The following LRRC28 variants were observed in gnomAD, a reference collection of about 807,000 sequenced individuals.
The protein encoded by LRRC28 is leucine rich repeat containing 28.
A neutral mutation model predicts 45.7 loss-of-function variants in LRRC28; 39 were observed. That is an observed-to-expected ratio of 0.85 (90% CI 0.66 to 1.12). LRRC28 has a LOEUF of 1.12. Among genes scored for constraint, LRRC28 ranks in the 50% most tolerant of loss-of-function variants. The probability of loss-of-function intolerance (pLI) is 0.00; values close to 1 mark genes in which losing one functional copy is unlikely to be tolerated. For synonymous variants in LRRC28, 206 were observed against 178.8 expected, an observed-to-expected ratio of 1.15 and a Z score of -1.22; for missense variants, 435 against 438.5, an observed-to-expected ratio of 0.99 and a Z score of 0.07.
At chr15:99,379,071 A>T (rs907434644) in intron 9 of LRRC28, among the ~76,000 whole-genome samples, 12 of 151,796 alleles carry the variant, frequency 7.9e-5, no homozygotes, top group Non-Finnish European at 1.2e-4. Context: ...GTTAGGGAGG[A>T]TTCCCTTTTT....
chr15:99,274,251 T>C (rs772940369), intron 2 of LRRC28, among the ~76,000 whole-genome samples: 29 of 152,230 alleles, frequency 1.9e-4, no homozygotes, highest in Non-Finnish European at 3.7e-4. Flanking sequence ...AGGATATGTA[T>C]ATATAAGCAG....
At chr15:99,263,838 A>AATAG (rs1466010436) in intron 2 of LRRC28, among the ~76,000 whole-genome samples, 1 of 151,942 alleles carries the variant, frequency 6.6e-6, no homozygotes, top group Non-Finnish European at 1.5e-5. Context: ...AGACACTGAC[A>AATAG]ATAGATACAT....
chr15:99,314,437 CTAAATAAATAAATAAA>C lies in LRRC28; in HGVS notation c.386-19466_386-19451del, dbSNP rs71922869. ...TGGGTGACAGAGTGAGACCTTGTCT[CTAAATAAATAAATAAA>C]TAAATAAATAAATAAATAATTTTGT... is the stretch of plus-strand genomic sequence containing the variant. On this transcript the variant is annotated intron_variant, in intron 5 of 9. Transcript: ENST00000301981. Among the ~76,000 whole-genome samples, 11 of 127,834 alleles carry C rather than the reference CTAAATAAATAAATAAA, an allele frequency of 8.6e-5. No homozygotes were observed. The South Asian group carries it at 1.4e-3, about 17-fold the overall frequency. 83.9% of individuals were successfully genotyped at this position (127,834 alleles called of 152,430 possible). A position where few individuals can be genotyped will look rare whatever the true frequency, so the allele number is the denominator to read the frequency against.
chr15:99,336,846 A>C (rs1384359186), intron 6 of LRRC28, among the ~76,000 whole-genome samples: 5 of 152,102 alleles, frequency 3.3e-5, no homozygotes. Flanking sequence ...TGTGCTCCTA[A>C]TAACTTGTTT....
intron 7 of LRRC28, among the ~76,000 whole-genome samples, chr15:99,358,180 TA>T (rs1008934747): frequency 3.3e-5 from 5 of 152,074 alleles, no homozygotes; most frequent in Non-Finnish European, 5.9e-5. Flanking sequence ...AAATCAAAGT[TA>T]GGGGGAAAAT....
intron 7 of LRRC28, chr15:99,355,525 G>A (rs1014381987): frequency 6.6e-6 from 1 of 152,130 alleles, no homozygotes; most frequent in African/African-American, 2.4e-5. Flanking sequence ...CTATTTGCTA[G>A]CCTCATGGAA....
intron 3 of LRRC28, chr15:99,284,598 A>G: frequency 2.0e-6 from 1 of 488,340 alleles, no homozygotes; most frequent in Non-Finnish European, 4.1e-6. Context: ...CTTTCCTGCT[A>G]AGCTTTGTTT....
intron 5 of LRRC28, among the ~76,000 whole-genome samples, chr15:99,315,714 C>T (rs937626066): frequency 3.3e-5 from 5 of 152,096 alleles, no homozygotes; most frequent in African/African-American, 1.2e-4. Context: ...TCTGTGGCCC[C>T]AATTTTGTTA....
In LRRC28 at chr15:99,337,490, C is replaced by T. The variant is rs577364467; in HGVS notation, c.592+3361C>T. Among the ~76,000 whole-genome samples the T allele has an allele frequency of 5.3e-5, 8 of 152,342 alleles. No homozygotes were observed. In the South Asian group the frequency reaches 1.0e-3, roughly 20 times the overall value. ...TTTCTGCATGCACCATGCTAATGGC[C>T]GGTGTGGCTAAGGAGGTGGGCATCT... is the stretch of plus-strand genomic sequence containing the variant. On this transcript the variant is annotated intron_variant, in intron 6 of 9. Coordinates refer to ENST00000301981, the MANE Select transcript of LRRC28 (RefSeq NM_144598.5).
intron 2 of LRRC28, among the ~76,000 whole-genome samples, chr15:99,261,266 G>A (rs1226015204): frequency 2.0e-5 from 3 of 152,182 alleles, no homozygotes; most frequent in Admixed American, 6.5e-5. Context: ...ACATAGAGGC[G>A]TATCTGGAAA....
At chr15:99,360,845 A>C (rs756196246) in intron 7 of LRRC28, among the ~76,000 whole-genome samples, 13 of 152,182 alleles carry the variant, frequency 8.5e-5, no homozygotes, top group African/African-American at 1.4e-4. Context: ...TTTTCCCCAC[A>C]AGTTTATGGA....
At chr15:99,315,010 G>A (rs893319337) in intron 5 of LRRC28, among the ~76,000 whole-genome samples, 3 of 152,108 alleles carry the variant, frequency 2.0e-5, no homozygotes, top group African/African-American at 4.8e-5. Context: ...TACATAGGGT[G>A]TTATTTGACA....
Position 99,267,571 on chromosome 15 carries a change from C to A in LRRC28, c.169-9005C>A, listed in dbSNP as rs148745160. Among the ~76,000 whole-genome samples, 112 of 152,246 alleles carry A rather than the reference C, an allele frequency of 7.4e-4. 1 individual carries two copies. The highest frequency in any genetic ancestry group is 2.6e-3 in the African/African-American group (108 of 41,534). On this transcript the variant is annotated intron_variant, in intron 2 of 9. Coordinates refer to ENST00000301981, the MANE Select transcript of LRRC28 (RefSeq NM_144598.5). ...TTGAGCTAGCTCTGTATAAAAGCAT[C>A]TCTGTTTCTTAAATTGACTATGTGG...
intron 5 of LRRC28, among the ~76,000 whole-genome samples, chr15:99,293,691 T>C (rs2082194493): frequency 6.7e-6 from 1 of 149,912 alleles, no homozygotes; most frequent in African/African-American, 2.4e-5. Flanking sequence ...TCTTCTTTTC[T>C]TAAGAGACAC....
In LRRC28 at chr15:99,320,289, C is replaced by T. The variant is rs568850457; in HGVS notation, c.386-13634C>T. On this transcript the variant is annotated intron_variant, in intron 5 of 9. Coordinates refer to ENST00000301981, the MANE Select transcript of LRRC28 (RefSeq NM_144598.5). ...GTGTGCTTCCTGGTATTGTTCCTAA[C>T]TTTAAGTTATGGTCATTTGTTACTA... is the stretch of plus-strand genomic sequence containing the variant. 1.5e-4 allele frequency among the ~76,000 whole-genome samples: 23 copies of T among 152,176 alleles called. 1 individual carries two copies. In the South Asian group the frequency reaches 4.8e-3, roughly 32 times the overall value.
chr15:99,355,671 A>T (rs565471447), intron 7 of LRRC28: 12 of 152,138 alleles, frequency 7.9e-5, no homozygotes, highest in African/African-American at 2.4e-4. Flanking sequence ...ACATATACTT[A>T]CTGAGGAGAA....
At position 99,387,190 on chromosome 15, in the gene LRRC28, A is replaced by T. The variant is rs1233189090; in HGVS notation, c.*1088A>T. ...ATTCTCCTGCCTCAGCCTCCCAAGT[A>T]GCTGGGACCACAGGCGCCCGCCACC... On this transcript the variant is annotated 3_prime_UTR_variant, in exon 10 of 10. Coordinates refer to ENST00000301981, the MANE Select transcript of LRRC28 (RefSeq NM_144598.5). The T allele has an allele frequency of 6.9e-6, 1 of 143,980 alleles. No homozygotes were observed. The highest frequency in any genetic ancestry group is 2.4e-4 in the South Asian group (1 of 4,126). 8.9% of individuals were successfully genotyped at this position (143,980 alleles called of 1,614,324 possible). A position where few individuals can be genotyped will look rare whatever the true frequency, so the allele number is the denominator to read the frequency against.
chr15:99,256,239 A>G lies in LRRC28; in HGVS notation c.168+114A>G, dbSNP rs2081017869. 3.2e-5 allele frequency: 23 copies of G among 710,318 alleles called. No individual in the cohort carries two copies. In the South Asian group the frequency reaches 3.8e-4, roughly 12 times the overall value. 44.0% of individuals were successfully genotyped at this position (710,318 alleles called of 1,614,324 possible). On this transcript the variant is annotated intron_variant, in intron 2 of 9. Transcript: ENST00000301981. ...AGACTTATATCCCCTGTTGTTATAT[A>G]TACAGTTAATATAAATACACACACA...
intron 1 of LRRC28, among the ~76,000 whole-genome samples, chr15:99,253,081 C>G (rs992390283): frequency 1.3e-5 from 2 of 151,752 alleles, no homozygotes; most frequent in Non-Finnish European, 2.9e-5. Flanking sequence ...CAGCCAAGTT[C>G]CTCTGAAAGA....
Sources: gnomAD v4.1 joint callset for allele counts (sites outside exome capture counted in the v4.1 genomes callset) on GRCh38, gnomAD v4.1.1 for gene constraint, MANE v1.5 for transcripts, NCBI Gene and HGNC (gene_info 2026-07-23, HGNC 2026-07-21) for gene names.